SSX2IP: variants seen among roughly 807,000 people sequenced by gnomAD.
SSX2IP encodes SSX family member 2 interacting protein.
SSX2IP carries 55 observed loss-of-function variants against 84.9 expected under a neutral mutation model. That is an observed-to-expected ratio of 0.65 (90% confidence interval 0.52 to 0.81). The LOEUF (loss-of-function observed/expected upper bound fraction) is 0.81. Among genes scored for constraint, SSX2IP ranks in the 30% least tolerant of loss-of-function variants. SSX2IP has a pLI of 0.00. For synonymous variants in SSX2IP, 239 were observed against 234.7 expected, an observed-to-expected ratio of 1.02 and a Z score of -0.17; for missense variants, 664 against 705.2, an observed-to-expected ratio of 0.94 and a Z score of 0.66.
chr1:84,653,462 C>T (rs1650623840), intron 11 of SSX2IP, among the ~76,000 whole-genome samples: 1 of 152,184 alleles, frequency 6.6e-6, no homozygotes, highest in South Asian at 2.1e-4. Flanking sequence ...CCTCCCATCC[C>T]TCACTATGCC....
chr1:84,648,861 C>T (rs1649820382), intron 13 of SSX2IP, among the ~76,000 whole-genome samples: 3 of 152,152 alleles, frequency 2.0e-5, no homozygotes, highest in Non-Finnish European at 4.4e-5. Context: ...AAATAGATCC[C>T]AAATCCAAGC....
chr1:84,681,799 C>G (rs1372544769), intron 1 of SSX2IP, among the ~76,000 whole-genome samples: 1 of 152,166 alleles, frequency 6.6e-6, no homozygotes, highest in Non-Finnish European at 1.5e-5. Context: ...TACGCATACC[C>G]ATGAGCAAGG....
intron 11 of SSX2IP, among the ~76,000 whole-genome samples, chr1:84,652,874 C>CA (rs1329149163): frequency 1.4e-5 from 2 of 144,834 alleles, no homozygotes; most frequent in African/African-American, 2.6e-5. Flanking sequence ...AAATACAAAA[C>CA]AAAAAAAATT....
intron 1 of SSX2IP, chr1:84,690,072 G>A (rs1656384483): frequency 1.3e-5 from 2 of 151,846 alleles, no homozygotes; most frequent in Admixed American, 1.3e-4. Flanking sequence ...CCCAGAGAGG[G>A]TTTGGGGCTC....
chr1:84,647,871 C>A (rs548156250), intron 13 of SSX2IP, among the ~76,000 whole-genome samples: 12 of 152,074 alleles, frequency 7.9e-5, no homozygotes, highest in African/African-American at 2.7e-4. Context: ...CATGGTGAAA[C>A]CCTGTCTCTA....
chr1:84,647,743 T>A, intron 13 of SSX2IP, 136 bp from the exon 14 acceptor site: 1 of 604,578 alleles, frequency 1.7e-6, no homozygotes, highest in Non-Finnish European at 2.3e-6. Flanking sequence ...TAATTTAAAA[T>A]TTTACTTGGA....
intron 4 of SSX2IP, among the ~76,000 whole-genome samples, chr1:84,666,963 A>C (rs1035409587): frequency 3.3e-5 from 5 of 152,202 alleles, no homozygotes; most frequent in African/African-American, 7.2e-5. Flanking sequence ...ATAAATAATA[A>C]CTTGCACAAT....
At chr1:84,667,761 G>C (rs1652967617) in intron 4 of SSX2IP, among the ~76,000 whole-genome samples, 1 of 152,052 alleles carries the variant, frequency 6.6e-6, no homozygotes, top group Non-Finnish European at 1.5e-5. Flanking sequence ...CATATACTCT[G>C]CCTAGAATGA....
chr1:84,681,330 C>A (rs1425234636), intron 1 of SSX2IP, among the ~76,000 whole-genome samples: 2 of 152,164 alleles, frequency 1.3e-5, no homozygotes, highest in South Asian at 4.1e-4. Flanking sequence ...TAAAAACCAA[C>A]ACATATGGTA....
intron 1 of SSX2IP, among the ~76,000 whole-genome samples, chr1:84,676,948 C>CA (rs1412578557): frequency 6.6e-6 from 1 of 152,052 alleles, no homozygotes; most frequent in Admixed American, 6.6e-5. Flanking sequence ...CTCCTGACTT[C>CA]AAGTCATCTG....
chr1:84,690,331 G>GGGCGCGTCACAATCCCCGACGC (rs1656454299), intron 1 of SSX2IP, 40 bp downstream of exon 1: 3 of 149,502 alleles, frequency 2.0e-5, no homozygotes, highest in African/African-American at 4.9e-5. Flanking sequence ...CTCCCTGGCG[G>GGGCGCGTCACAATCCCCGACGC]GGCGCGTCAC....
intron 1 of SSX2IP, among the ~76,000 whole-genome samples, chr1:84,673,935 A>T (rs1653932947): frequency 6.6e-6 from 1 of 152,158 alleles, no homozygotes; most frequent in African/African-American, 2.4e-5. Flanking sequence ...AAGGAAGGGC[A>T]CCTTGAACTA....
In SSX2IP at chr1:84,644,850, A is replaced by G. The variant is rs1649290545; in HGVS notation, c.*2583T>C. On this transcript the variant is annotated 3_prime_UTR_variant, in exon 14 of 14. Coordinates refer to ENST00000342203, the MANE Select transcript of SSX2IP (RefSeq NM_001166293.2). ...TTCAATTATGCCATGTAAGTAAACA[A>G]TTTGCTGTGAACTGTCCTGTGTATC... is the stretch of plus-strand genomic sequence containing the variant. 6.6e-6 allele frequency: 1 copy of G among 152,226 alleles called. No individual in the cohort carries two copies. 9.4% of individuals were successfully genotyped at this position (152,226 alleles called of 1,614,324 possible). A position where few individuals can be genotyped will look rare whatever the true frequency, so the allele number is the denominator to read the frequency against.
chr1:84,677,486 T>A (rs1214235870), intron 1 of SSX2IP, among the ~76,000 whole-genome samples: 1 of 152,174 alleles, frequency 6.6e-6, no homozygotes, highest in African/African-American at 2.4e-5. Context: ...AAGCAGTCTC[T>A]AGGATGGCTC....
intron 3 of SSX2IP, 138 bp from the exon 4 acceptor site, chr1:84,670,031 G>A (rs1474919195): frequency 4.9e-6 from 3 of 606,482 alleles, no homozygotes; most frequent in South Asian, 4.2e-5. Flanking sequence ...TAATAACTAC[G>A]TACTATATTC....
At chr1:84,688,844 T>TA (rs1433607714) in intron 1 of SSX2IP, among the ~76,000 whole-genome samples, 1 of 152,218 alleles carries the variant, frequency 6.6e-6, no homozygotes, top group Non-Finnish European at 1.5e-5. Flanking sequence ...ATGAGCTTTT[T>TA]ATCTTCCCTG....
At chr1:84,658,714 T>C (rs1215890341) in intron 8 of SSX2IP, among the ~76,000 whole-genome samples, 4 of 152,260 alleles carry the variant, frequency 2.6e-5, no homozygotes, top group African/African-American at 9.6e-5. Context: ...TGAAGCTGTC[T>C]GAGAAGGAGA....
chr1:84,655,300 T>G, intron 11 of SSX2IP: 4 of 1,061,028 alleles, frequency 3.8e-6, no homozygotes, highest in East Asian at 7.8e-5. Context: ...TTTTAATGAG[T>G]TTTGTTGATT....
chr1:84,690,662 TCTC>T (rs1656501312), upstream of SSX2IP: 1 of 152,062 alleles, frequency 6.6e-6, no homozygotes, highest in African/African-American at 2.4e-5. Flanking sequence ...GCCTCGGTAG[TCTC>T]CTCCTTACCT....
Sources: allele counts gnomAD v4.1 joint callset (sites outside exome capture counted in the v4.1 genomes callset), GRCh38; gene constraint gnomAD v4.1.1; transcripts MANE v1.5; gene names NCBI Gene and HGNC (gene_info 2026-07-23, HGNC 2026-07-21).